Variants in CALCRL observed in about 807,000 individuals in gnomAD.
CALCRL encodes the protein calcitonin receptor like receptor.
In CALCRL, 27 loss-of-function variants were observed where a neutral mutation model predicts 60.4. That is an observed-to-expected ratio of 0.45 (90% confidence interval 0.33 to 0.62). CALCRL has a LOEUF of 0.62. CALCRL is among the 20% of genes least tolerant of loss of function. The probability of loss-of-function intolerance (pLI) is 0.03; values close to 1 mark genes in which losing one functional copy is unlikely to be tolerated. For synonymous variants in CALCRL, 190 were observed against 182.6 expected (o/e 1.04, Z -0.33); for missense variants, 424 against 540.7 (o/e 0.78, Z 2.14).
At chr2:187,422,470 G>A (rs1260895712) in intron 1 of CALCRL, among the ~76,000 whole-genome samples, 1 of 152,028 alleles carries the variant, frequency 6.6e-6, no homozygotes, top group African/African-American at 2.4e-5. Context: ...ACAATGGATT[G>A]GATATGAATC....
intron 12 of CALCRL, among the ~76,000 whole-genome samples, chr2:187,357,835 A>T (rs1443772648): frequency 3.3e-4 from 1 of 3,020 alleles, no homozygotes; most frequent in African/African-American, 2.9e-3. Flanking sequence ...AAAAAAAAAG[A>T]CCCAAATGAC....
At chr2:187,417,370 G>A (rs1559070339) in intron 1 of CALCRL, among the ~76,000 whole-genome samples, 1 of 152,006 alleles carries the variant, frequency 6.6e-6, no homozygotes. Flanking sequence ...TTTTGGAATA[G>A]CTTCCAGAAT....
intron 12 of CALCRL, among the ~76,000 whole-genome samples, chr2:187,356,006 C>A (rs983592579): frequency 8.6e-5 from 13 of 152,016 alleles, no homozygotes; most frequent in African/African-American, 3.1e-4. Flanking sequence ...GGAGAGGACA[C>A]AAACAAATGA....
chr2:187,365,572 A>C (rs1687242195), intron 8 of CALCRL, among the ~76,000 whole-genome samples: 1 of 152,220 alleles, frequency 6.6e-6, no homozygotes. Flanking sequence ...CATATCTATA[A>C]ACAACAAAAT....
intron 8 of CALCRL, among the ~76,000 whole-genome samples, chr2:187,375,391 A>G (rs1165974665): frequency 6.6e-6 from 1 of 152,130 alleles, no homozygotes; most frequent in East Asian, 1.9e-4. Flanking sequence ...TATAGAATAA[A>G]CAGGTAATTG....
intron 1 of CALCRL, among the ~76,000 whole-genome samples, chr2:187,395,564 A>G (rs1245645987): frequency 6.6e-6 from 1 of 152,054 alleles, no homozygotes; most frequent in Non-Finnish European, 1.5e-5. Context: ...CTAGAAATTA[A>G]ATTTGTTACC....
chr2:187,382,203 A>G (rs1369992886), intron 5 of CALCRL, among the ~76,000 whole-genome samples: 5 of 152,222 alleles, frequency 3.3e-5, no homozygotes, highest in Non-Finnish European at 7.3e-5. Context: ...TAGGTATTCC[A>G]TGAAAAAAGT....
Position 187,350,287 on chromosome 2 carries a change from TATTTA to T in CALCRL, c.1170+1628_1170+1632del, listed in dbSNP as rs557427676. Among the ~76,000 whole-genome samples, 43 of 151,838 alleles carry T rather than the reference TATTTA, an allele frequency of 2.8e-4. No homozygotes were observed. In the South Asian group the frequency reaches 8.1e-3, roughly 29 times the overall value. On this transcript the variant is annotated intron_variant, in intron 14 of 14. Coordinates refer to ENST00000392370, the MANE Select transcript of CALCRL (RefSeq NM_005795.6). ...ATGTTGTCCATATCACTCTCATCTA[TATTTA>T]ATTATTACATCCTATACAAGTAGCA...
intron 1 of CALCRL, among the ~76,000 whole-genome samples, chr2:187,443,099 T>G (rs1690999132): frequency 6.6e-6 from 1 of 151,860 alleles, no homozygotes; most frequent in Non-Finnish European, 1.5e-5. Flanking sequence ...ATGGAGATAG[T>G]AATTATCAAT....
At chr2:187,421,829 G>C in intron 1 of CALCRL, among the ~76,000 whole-genome samples, 1 of 152,162 alleles carries the variant, frequency 6.6e-6, no homozygotes, top group Non-Finnish European at 1.5e-5. Context: ...CACCCTTTGA[G>C]CCTTTACATT....
At chr2:187,406,988 T>C (rs1689164833) in intron 1 of CALCRL, among the ~76,000 whole-genome samples, 1 of 152,060 alleles carries the variant, frequency 6.6e-6, no homozygotes, top group African/African-American at 2.4e-5. Context: ...TTTGAACTCA[T>C]AACTTCTTTA....
rs1402729951 is a variant in CALCRL at position 187,345,818 on chromosome 2, G to A, written c.*366C>T. 2 of 168,728 alleles carry A rather than the reference G, an allele frequency of 1.2e-5. No homozygotes were observed. The highest frequency in any genetic ancestry group is 2.5e-5 in the Non-Finnish European group (2 of 79,168). The allele number at this position is 168,728 out of a possible 1,614,324, so 10.5% of individuals were successfully genotyped here. A position where few individuals can be genotyped will look rare whatever the true frequency, so the allele number is the denominator to read the frequency against. ...ATAAGGGTAGAATCATGCCCAACAT[G>A]TATGTTTAGTTTTACAGCCATTTGT... On this transcript the variant is annotated 3_prime_UTR_variant, in exon 15 of 15. Coordinates refer to ENST00000392370, the MANE Select transcript of CALCRL (RefSeq NM_005795.6).
At chr2:187,387,087 T>C (rs1176519034) in intron 3 of CALCRL, among the ~76,000 whole-genome samples, 4 of 152,168 alleles carry the variant, frequency 2.6e-5, no homozygotes, top group Non-Finnish European at 5.9e-5. Context: ...AACAATATTT[T>C]TAAAGGAGAG....
intron 1 of CALCRL, among the ~76,000 whole-genome samples, chr2:187,443,199 C>T (rs914522278): frequency 3.3e-5 from 5 of 151,774 alleles, no homozygotes; most frequent in Non-Finnish European, 5.9e-5. Context: ...CTTGTTCACT[C>T]TTCCTGTCTT....
intron 1 of CALCRL, among the ~76,000 whole-genome samples, chr2:187,407,864 T>C (rs1379645380): frequency 6.6e-6 from 1 of 152,130 alleles, no homozygotes; most frequent in Non-Finnish European, 1.5e-5. Context: ...GAAGTGAGGC[T>C]GGTTCCAGCA....
At chr2:187,410,239 T>A (rs1689300457) in intron 1 of CALCRL, among the ~76,000 whole-genome samples, 1 of 152,144 alleles carries the variant, frequency 6.6e-6, no homozygotes, top group African/African-American at 2.4e-5. Flanking sequence ...GAGAGTGACA[T>A]GAACATTTTA....
Position 187,372,163 on chromosome 2 carries a change from CT to C in CALCRL, c.500+6776del, listed in dbSNP as rs928701129. Among the ~76,000 whole-genome samples the C allele has an allele frequency of 3.6e-3, 524 of 145,170 alleles. 6 individuals carry two copies. The highest frequency in any genetic ancestry group is 0.011 in the African/African-American group (446 of 39,900). On this transcript the variant is annotated intron_variant, in intron 8 of 14. Transcript: ENST00000392370. ...TAAAAAAACAAACCAACAACATTTT[CT>C]TTTTTTTTTTCCCTATAAAAGTTGG...
chr2:187,357,905 G>A (rs1470695370), intron 12 of CALCRL, among the ~76,000 whole-genome samples: 2 of 150,950 alleles, frequency 1.3e-5, no homozygotes, highest in Admixed American at 6.6e-5. Context: ...AAACCTGCAC[G>A]TTCTGCACAT....
intron 14 of CALCRL, among the ~76,000 whole-genome samples, chr2:187,348,897 G>A (rs1312344193): frequency 6.6e-6 from 1 of 151,426 alleles, no homozygotes; most frequent in Non-Finnish European, 1.5e-5. Context: ...AAGATAGCTG[G>A]GTGTTATTAA....
Sources: gnomAD v4.1 joint callset for allele counts (sites outside exome capture counted in the v4.1 genomes callset) on GRCh38, gnomAD v4.1.1 for gene constraint, MANE v1.5 for transcripts, NCBI Gene and HGNC (gene_info 2026-07-23, HGNC 2026-07-21) for gene names.